The following VPS41 variants were observed in gnomAD, a reference collection of about 807,000 sequenced individuals.
The protein encoded by VPS41 is VPS41 subunit of HOPS complex, also known as vacuolar protein sorting-associated protein 41 homolog.
A neutral mutation model predicts 130.9 loss-of-function variants in VPS41; 85 were observed. The observed-to-expected ratio is 0.65, with a 90% CI of 0.55 to 0.78. VPS41 has a LOEUF of 0.78. Ranked by LOEUF, VPS41 falls within the 30% of genes least tolerant of loss-of-function variation. VPS41 has a pLI of 0.00. For synonymous variants in VPS41, 335 were observed against 332.9 expected (o/e 1.01, Z -0.07); for missense variants, 874 against 1,018.7 (o/e 0.86, Z 1.93).
chr7:38,873,912 T>G (rs1407198425), intron 2 of VPS41, among the ~76,000 whole-genome samples: 1 of 152,204 alleles, frequency 6.6e-6, no homozygotes, highest in Non-Finnish European at 1.5e-5. Context: ...ATTTAAAGAC[T>G]TCTCCCTGAA....
At chr7:38,875,443 A>G (rs1786472508) in intron 2 of VPS41, among the ~76,000 whole-genome samples, 1 of 152,290 alleles carries the variant, frequency 6.6e-6, no homozygotes, top group South Asian at 2.1e-4. Context: ...ACCACACCTC[A>G]TCCCAAGAAA....
intron 2 of VPS41, among the ~76,000 whole-genome samples, chr7:38,869,715 T>A (rs1028453648): frequency 3.3e-5 from 5 of 152,202 alleles, no homozygotes; most frequent in Non-Finnish European, 5.9e-5. Context: ...TATGGAGAAC[T>A]GTGATGGCAT....
intron 4 of VPS41, among the ~76,000 whole-genome samples, chr7:38,839,211 G>A (rs1025188813): frequency 2.6e-5 from 4 of 152,108 alleles, no homozygotes; most frequent in Non-Finnish European, 5.9e-5. Flanking sequence ...GCAAACGTCT[G>A]TTCTTTCATA....
Position 38,772,530 on chromosome 7 carries a change from T to C in VPS41, c.1120A>G (p.Lys374Glu). 6.2e-7 allele frequency: 1 copy of C among 1,606,618 alleles called. No homozygotes were observed. Among genetic ancestry groups the C allele is most frequent in the Non-Finnish European group, 8.5e-7 (1 of 1,173,418 alleles). Residue 374 changes from lysine (K) to glutamate (E), a missense_variant, in exon 13 of 29, where the codon AAA becomes GAA. Physicochemically the swap from Lys to Glu is moderately conservative, Grantham distance 56. Transcript: ENST00000310301. ...AGTAAAATCAAGGGTACTTCATATT[T>C]CTTCTTTTCAAGGAGCCAGTCAATG... ...DHIDWLLEKK[K>E]YEEALMAAEI...
chr7:38,771,715 G>A (rs1175734012), intron 13 of VPS41, among the ~76,000 whole-genome samples: 3 of 152,014 alleles, frequency 2.0e-5, no homozygotes, highest in Non-Finnish European at 4.4e-5. Context: ...CTAAAATTAA[G>A]TCTTTGAAAA....
intron 7 of VPS41, among the ~76,000 whole-genome samples, chr7:38,805,037 G>T (rs571481462): frequency 6.6e-6 from 1 of 152,154 alleles, no homozygotes; most frequent in Non-Finnish European, 1.5e-5. Flanking sequence ...TCATCCACTG[G>T]GTGATTAAAC....
At chr7:38,810,017 A>G (rs1453609155) in intron 7 of VPS41, among the ~76,000 whole-genome samples, 2 of 152,136 alleles carry the variant, frequency 1.3e-5, no homozygotes, top group Non-Finnish European at 2.9e-5. Context: ...TTGCTACAAA[A>G]GAAGGTTACA....
intron 25 of VPS41, among the ~76,000 whole-genome samples, chr7:38,733,431 T>C (rs982182762): frequency 6.6e-6 from 1 of 152,230 alleles, no homozygotes; most frequent in Non-Finnish European, 1.5e-5. Context: ...TCTTAAACTT[T>C]ATGGAATTTG....
At chr7:38,791,113 G>C (rs1448082346) in intron 9 of VPS41, among the ~76,000 whole-genome samples, 1 of 152,140 alleles carries the variant, frequency 6.6e-6, no homozygotes, top group Admixed American at 6.5e-5. Context: ...GAAGTGACCG[G>C]CTGTCTTCTT....
intron 24 of VPS41, 103 bp from the exon 25 acceptor site, chr7:38,742,224 C>G (rs1292351202): frequency 5.3e-5 from 59 of 1,114,758 alleles, no homozygotes; most frequent in Non-Finnish European, 6.6e-5. Flanking sequence ...AAAAGTAACT[C>G]AAAGAAAAAA....
chr7:38,892,222 A>C (rs1558111), intron 2 of VPS41, among the ~76,000 whole-genome samples: 1 of 151,962 alleles, frequency 6.6e-6, no homozygotes, highest in African/African-American at 2.4e-5. Flanking sequence ...TGGCCTAAAA[A>C]CAGAGAGTCA....
chr7:38,796,734 A>C lies in VPS41; in HGVS notation c.570+11T>G. ...GAACAAGCATTAGGAAGACAGAGGC[A>C]TATTTTTTACCATATTATTGGCCCA... is the stretch of plus-strand genomic sequence containing the variant. On this transcript the variant is annotated intron_variant, in intron 8 of 28. Coordinates refer to ENST00000310301, the MANE Select transcript of VPS41 (RefSeq NM_014396.4). The C allele has an allele frequency of 1.2e-6, 2 of 1,613,690 alleles. No individual in the cohort carries two copies. Among genetic ancestry groups the C allele is most frequent in the Non-Finnish European group, 1.7e-6 (2 of 1,179,696 alleles).
In VPS41 at chr7:38,761,387, CGCTT is replaced by C. The variant is rs1247338514; in HGVS notation, c.1422+2064_1422+2067del. The stretch of plus-strand genomic sequence containing the variant: ...GCCTCCTAGGCTCAAGCAAGTCTCT[CGCTT>C]CAGCCTCCCAAATAGCTGGGACTAC... On this transcript the variant is annotated intron_variant, in intron 17 of 28. Transcript: ENST00000310301. 4.0e-5 allele frequency among the ~76,000 whole-genome samples: 6 copies of C among 148,616 alleles called. No individual in the cohort carries two copies. In the Admixed American group the frequency reaches 4.1e-4, roughly 10 times the overall value.
At chr7:38,811,359 C>T (rs1446347033) in intron 7 of VPS41, among the ~76,000 whole-genome samples, 3 of 151,940 alleles carry the variant, frequency 2.0e-5, no homozygotes, top group Non-Finnish European at 4.4e-5. Context: ...GCAAACAGAT[C>T]ATTATAGTTT....
intron 17 of VPS41, among the ~76,000 whole-genome samples, chr7:38,760,319 A>G (rs1448569522): frequency 2.0e-5 from 3 of 152,238 alleles, no homozygotes; most frequent in African/African-American, 7.2e-5. Flanking sequence ...TCACTAAGCC[A>G]AAGGGAAAGT....
intron 25 of VPS41, among the ~76,000 whole-genome samples, chr7:38,737,639 G>A (rs373273599): frequency 5.3e-5 from 8 of 152,288 alleles, no homozygotes; most frequent in African/African-American, 1.9e-4. Context: ...GGCCTGCTGG[G>A]AGAACCACGT....
At chr7:38,744,577 C>T (rs1352190417) in intron 23 of VPS41, among the ~76,000 whole-genome samples, 1 of 152,180 alleles carries the variant, frequency 6.6e-6, no homozygotes, top group African/African-American at 2.4e-5. Context: ...TCCTCTACTG[C>T]TTCTAAGACA....
At chr7:38,885,955 T>C (rs1486457943) in intron 2 of VPS41, among the ~76,000 whole-genome samples, 1 of 151,946 alleles carries the variant, frequency 6.6e-6, no homozygotes, top group Non-Finnish European at 1.5e-5. Context: ...AACCACTGAA[T>C]CTGAGGATAG....
In VPS41 at chr7:38,868,631, A is replaced by G. The variant is rs1317246691; in HGVS notation, c.168+515T>C. Among the ~76,000 whole-genome samples, 5 of 152,314 alleles carry G rather than the reference A, an allele frequency of 3.3e-5. No homozygotes were observed. In the East Asian group the frequency reaches 9.7e-4, roughly 29 times the overall value. ...TTACCCTGGACTCAGAAAGTTGGTG[A>G]GAGCTTTGTTACGGCAAGGACCCAG... On this transcript the variant is annotated intron_variant, in intron 3 of 28. Transcript: ENST00000310301.
Sources: allele counts gnomAD v4.1 joint callset (sites outside exome capture counted in the v4.1 genomes callset), GRCh38; gene constraint gnomAD v4.1.1; transcripts MANE v1.5; gene names NCBI Gene and HGNC (gene_info 2026-07-23, HGNC 2026-07-21).